The following TSPAN18 variants were observed in gnomAD, a reference collection of about 807,000 sequenced individuals.
TSPAN18 encodes the protein tetraspanin 18.
In TSPAN18, 14 loss-of-function variants were observed where a neutral mutation model predicts 27.3. The observed-to-expected ratio is 0.51, with a 90% CI of 0.34 to 0.80. The LOEUF (loss-of-function observed/expected upper bound fraction) is 0.80. TSPAN18 is among the 30% of genes least tolerant of loss of function. The pLI is 0.01. For synonymous variants in TSPAN18, 143 were observed against 136.5 expected (o/e 1.05, Z -0.33); for missense variants, 268 against 323.9 (o/e 0.83, Z 1.32).
At chr11:44,909,974 C>T in intron 5 of TSPAN18, 75 bp downstream of exon 5, 1 of 1,497,974 alleles carries the variant, frequency 6.7e-7, no homozygotes, top group Non-Finnish European at 8.9e-7. Context: ...CTCCCAGGCC[C>T]TGCCTGGCTT....
At chr11:44,733,189 T>G (rs576087467) in intron 1 of TSPAN18, among the ~76,000 whole-genome samples, 1 of 152,344 alleles carries the variant, frequency 6.6e-6, no homozygotes, top group South Asian at 2.1e-4. Flanking sequence ...GCACTAAGTC[T>G]CTGCATTTAC....
chr11:44,887,897 A>G (rs112752459), intron 3 of TSPAN18, among the ~76,000 whole-genome samples: 1 of 152,118 alleles, frequency 6.6e-6, no homozygotes, highest in South Asian at 2.1e-4. Flanking sequence ...AAATATTTAA[A>G]TCTGGGCAGT....
At chr11:44,893,951 A>G (rs1858943877) in intron 3 of TSPAN18, among the ~76,000 whole-genome samples, 1 of 152,132 alleles carries the variant, frequency 6.6e-6, no homozygotes, top group Non-Finnish European at 1.5e-5. Flanking sequence ...CACTGGGTTA[A>G]TGTGGCCATT....
At chr11:44,810,595 A>AT (rs1387722055) in intron 2 of TSPAN18, among the ~76,000 whole-genome samples, 2 of 139,738 alleles carry the variant, frequency 1.4e-5, no homozygotes, top group South Asian at 2.2e-4. Context: ...CCTGTTTTCA[A>AT]TTTTTTTTCT....
At chr11:44,773,425 A>AC (rs1471973682) in intron 2 of TSPAN18, among the ~76,000 whole-genome samples, 1 of 151,834 alleles carries the variant, frequency 6.6e-6, no homozygotes, top group Non-Finnish European at 1.5e-5. Context: ...TCAAAAAAAA[A>AC]CCCAAAAAAC....
intron 1 of TSPAN18, among the ~76,000 whole-genome samples, chr11:44,741,904 CCT>C (rs1344913114): frequency 1.3e-5 from 2 of 151,496 alleles, no homozygotes; most frequent in Non-Finnish European, 2.9e-5. Context: ...TCCTTCCTCT[CCT>C]CTCTCTGCTC....
At chr11:44,854,040 G>A (rs975003162) in intron 2 of TSPAN18, among the ~76,000 whole-genome samples, 5 of 152,168 alleles carry the variant, frequency 3.3e-5, no homozygotes, top group Non-Finnish European at 5.9e-5. Flanking sequence ...TAATTATGTG[G>A]TATGGGTTGT....
chr11:44,827,506 G>A (rs1857069047), intron 2 of TSPAN18, among the ~76,000 whole-genome samples: 1 of 152,194 alleles, frequency 6.6e-6, no homozygotes, highest in South Asian at 2.1e-4. Context: ...GCATAGCCAG[G>A]GCAGGTAGGG....
chr11:44,832,029 G>C (rs11822688), intron 2 of TSPAN18, among the ~76,000 whole-genome samples: 98 of 152,234 alleles, frequency 6.4e-4, no homozygotes, highest in African/African-American at 2.3e-3. Flanking sequence ...GAGGGTGAGA[G>C]GGAAGGAGAG....
intron 2 of TSPAN18, among the ~76,000 whole-genome samples, chr11:44,818,946 T>C (rs1276964965): frequency 2.6e-5 from 4 of 152,058 alleles, no homozygotes; most frequent in African/African-American, 7.2e-5. Flanking sequence ...CTTACGTCCC[T>C]CCCAACCCTG....
intron 3 of TSPAN18, among the ~76,000 whole-genome samples, chr11:44,882,645 G>A (rs902224969): frequency 1.3e-5 from 2 of 149,938 alleles, no homozygotes; most frequent in South Asian, 2.1e-4. Flanking sequence ...GAGCATGTGC[G>A]TGCATGTATG....
intron 3 of TSPAN18, among the ~76,000 whole-genome samples, chr11:44,879,533 G>C (rs969230219): frequency 6.6e-6 from 1 of 152,236 alleles, no homozygotes; most frequent in African/African-American, 2.4e-5. Context: ...TGAGCCATGT[G>C]GAATATCTGG....
chr11:44,760,653 G>A (rs1278418712), intron 1 of TSPAN18, among the ~76,000 whole-genome samples: 1 of 152,150 alleles, frequency 6.6e-6, no homozygotes, highest in Non-Finnish European at 1.5e-5. Context: ...TGTAAATTGA[G>A]AGCTCCACCC....
At chr11:44,735,051 G>A (rs948247393) in intron 1 of TSPAN18, among the ~76,000 whole-genome samples, 2 of 152,224 alleles carry the variant, frequency 1.3e-5, no homozygotes, top group African/African-American at 4.8e-5. Flanking sequence ...TTAGGAAGAG[G>A]ATGGTCTCTG....
intron 5 of TSPAN18, among the ~76,000 whole-genome samples, chr11:44,910,811 G>A (rs1268886098): frequency 1.3e-5 from 2 of 152,208 alleles, no homozygotes; most frequent in East Asian, 1.9e-4. Context: ...GGAGGCAGCC[G>A]AGCCGTGCGG....
At chr11:44,894,636 AG>A (rs1246396353) in intron 3 of TSPAN18, among the ~76,000 whole-genome samples, 1 of 152,220 alleles carries the variant, frequency 6.6e-6, no homozygotes, top group Non-Finnish European at 1.5e-5. Flanking sequence ...GGGTCCGCCG[AG>A]GAAAGCCCCG....
rs563254962 is a variant in TSPAN18 at position 44,837,002 on chromosome 11, C to T, written c.-152-23326C>T. 2.6e-5 allele frequency among the ~76,000 whole-genome samples: 4 copies of T among 152,328 alleles called. No homozygotes were observed. The East Asian group carries it at 7.7e-4, about 29-fold the overall frequency. ...TGTACAGGGAGATTCATGTTGTTTT[C>T]CTGCCTGCTAAGACACATCTATTCT... On this transcript the variant is annotated intron_variant, in intron 2 of 9. Coordinates refer to ENST00000520358, the MANE Select transcript of TSPAN18 (RefSeq NM_130783.5).
At chr11:44,790,553 TGCATGTGTTC>T (rs1405745603) in intron 2 of TSPAN18, among the ~76,000 whole-genome samples, 8 of 151,466 alleles carry the variant, frequency 5.3e-5, no homozygotes, top group Non-Finnish European at 1.0e-4. Flanking sequence ...TGTTTGTGTG[TGCATGTGTTC>T]GTGTGTGTGT....
At chr11:44,847,336 A>G (rs957887552) in intron 2 of TSPAN18, among the ~76,000 whole-genome samples, 4 of 152,160 alleles carry the variant, frequency 2.6e-5, no homozygotes, top group Non-Finnish European at 5.9e-5. Context: ...GAGCTCATTG[A>G]CCTCCTGTGA....
Sources: gnomAD v4.1 joint callset for allele counts (sites outside exome capture counted in the v4.1 genomes callset) on GRCh38, gnomAD v4.1.1 for gene constraint, MANE v1.5 for transcripts, NCBI Gene and HGNC (gene_info 2026-07-23, HGNC 2026-07-21) for gene names.